The following TIAM1 variants were observed in gnomAD, a reference collection of about 807,000 sequenced individuals.
The protein encoded by TIAM1 is TIAM Rac1 associated GEF 1.
Under a neutral mutation model 163.5 loss-of-function variants are expected in TIAM1, and 65 were observed. The observed-to-expected ratio is 0.40, with a 90% CI of 0.33 to 0.49. TIAM1 has a LOEUF of 0.49. Ranked by LOEUF, TIAM1 falls within the 20% of genes least tolerant of loss-of-function variation. TIAM1 has a pLI of 0.77. For missense variants in TIAM1, 1,789 were observed against 2,044.7 expected (o/e 0.87, Z 2.41); for synonymous variants, 833 against 810.1 (o/e 1.03, Z -0.48).
chr21:31,413,010 C>G (rs1326864571), intron 2 of TIAM1, among the ~76,000 whole-genome samples: 1 of 151,966 alleles, frequency 6.6e-6, no homozygotes, highest in Non-Finnish European at 1.5e-5. Context: ...ATTGGGGACC[C>G]CTCCCCTAAA....
At chr21:31,466,175 T>C (rs185228723) in intron 1 of TIAM1, among the ~76,000 whole-genome samples, 44 of 152,264 alleles carry the variant, frequency 2.9e-4, no homozygotes, top group Admixed American at 4.6e-4. Context: ...GTCAAGGTCA[T>C]TGCAATAGGG....
chr21:31,301,851 GATAAATAGATAAATAA>G (rs2074515135), intron 2 of TIAM1, among the ~76,000 whole-genome samples: 1 of 95,648 alleles, frequency 1.0e-5, no homozygotes. Context: ...AAAATAAATA[GATAAATAGATAAATAA>G]ATAAATAAAA....
At chr21:31,334,792 G>A (rs1361641371) in intron 2 of TIAM1, among the ~76,000 whole-genome samples, 1 of 152,170 alleles carries the variant, frequency 6.6e-6, no homozygotes. Flanking sequence ...ACACACTTAT[G>A]TGCATCTGAC....
intron 2 of TIAM1, among the ~76,000 whole-genome samples, chr21:31,304,507 C>T (rs1306073815): frequency 1.3e-5 from 2 of 152,174 alleles, no homozygotes; most frequent in South Asian, 2.1e-4. Context: ...TTCAATTCCA[C>T]TCAGCCAAAC....
At chr21:31,466,969 G>A (rs1164365530) in intron 1 of TIAM1, among the ~76,000 whole-genome samples, 19 of 146,424 alleles carry the variant, frequency 1.3e-4, no homozygotes, top group African/African-American at 4.7e-4. Flanking sequence ...AAATAAAATA[G>A]GCCAAAAAAA....
At chr21:31,201,864 C>G (rs144630314) in intron 12 of TIAM1, among the ~76,000 whole-genome samples, 1 of 152,148 alleles carries the variant, frequency 6.6e-6, no homozygotes, top group Non-Finnish European at 1.5e-5. Flanking sequence ...CTGACAAACG[C>G]ACCACTTTGC....
chr21:31,394,300 G>A (rs1230857052), intron 2 of TIAM1, among the ~76,000 whole-genome samples: 1 of 152,198 alleles, frequency 6.6e-6, no homozygotes, highest in Non-Finnish European at 1.5e-5. Context: ...CCTGGAAAAG[G>A]TGAAGCTATA....
At chr21:31,508,336 G>A (rs1449016041) in intron 1 of TIAM1, among the ~76,000 whole-genome samples, 1 of 152,040 alleles carries the variant, frequency 6.6e-6, no homozygotes, top group Non-Finnish European at 1.5e-5. Context: ...TCCTTGGAGT[G>A]GGGAGGAGAG....
chr21:31,179,301 C>T lies in TIAM1; in HGVS notation c.2887+3120G>A, dbSNP rs557782980. On this transcript the variant is annotated intron_variant, in intron 15 of 27. Transcript: ENST00000541036. ...ACTCAAGAGGCTGAGGCAGGAGAAT[C>T]GCTTGGACCCAGGAGGCGGAGGTTG... 5.3e-5 allele frequency among the ~76,000 whole-genome samples: 8 copies of T among 151,706 alleles called. No individual in the cohort carries two copies. In the South Asian group the frequency reaches 1.7e-3, roughly 32 times the overall value.
chr21:31,196,646 T>C (rs1177728305), intron 12 of TIAM1, among the ~76,000 whole-genome samples: 1 of 152,066 alleles, frequency 6.6e-6, no homozygotes, highest in African/African-American at 2.4e-5. Flanking sequence ...TACACTGTTG[T>C]TGGGAATGTA....
At chr21:31,271,975 C>T (rs1857749512) in intron 3 of TIAM1, among the ~76,000 whole-genome samples, 1 of 151,802 alleles carries the variant, frequency 6.6e-6, no homozygotes, top group South Asian at 2.1e-4. Context: ...AAATTAAATG[C>T]AGATGCTCCT....
chr21:31,442,912 C>A (rs1016768729), intron 2 of TIAM1, among the ~76,000 whole-genome samples: 6 of 152,168 alleles, frequency 3.9e-5, no homozygotes, highest in South Asian at 2.1e-4. Context: ...AAATATGAGA[C>A]GGCCAGGACC....
At chr21:31,556,535 G>GGT (rs560073824) in intron 1 of TIAM1, among the ~76,000 whole-genome samples, 1 of 148,884 alleles carries the variant, frequency 6.7e-6, no homozygotes, top group East Asian at 1.9e-4. Flanking sequence ...AAAACAGGAA[G>GGT]TTTTTTTTTT....
intron 1 of TIAM1, among the ~76,000 whole-genome samples, chr21:31,473,837 G>A (rs1602368196): frequency 2.0e-5 from 3 of 152,068 alleles, no homozygotes; most frequent in Non-Finnish European, 4.4e-5. Flanking sequence ...AGCTGGTGCC[G>A]CCCTGCACTG....
chr21:31,246,770 A>C (rs957059217), intron 5 of TIAM1, among the ~76,000 whole-genome samples: 1 of 151,978 alleles, frequency 6.6e-6, no homozygotes, highest in Non-Finnish European at 1.5e-5. Flanking sequence ...TAGCTGTTGA[A>C]CTCTACGTCC....
intron 1 of TIAM1, among the ~76,000 whole-genome samples, chr21:31,477,001 A>G (rs900615529): frequency 2.0e-5 from 3 of 152,224 alleles, no homozygotes; most frequent in African/African-American, 7.2e-5. Flanking sequence ...ACCATTAGAG[A>G]CAGGTTCAAA....
At chr21:31,132,238 T>C (rs1360800065) in intron 23 of TIAM1, among the ~76,000 whole-genome samples, 1 of 152,200 alleles carries the variant, frequency 6.6e-6, no homozygotes, top group Non-Finnish European at 1.5e-5. Context: ...AGGTCGGTCT[T>C]GTCTCCTCTT....
Position 31,236,220 on chromosome 21 carries a change from G to C in TIAM1, c.1584+9268C>G, listed in dbSNP as rs1462374873. Reference sequence around the variant, plus strand: ...TTGCTTGAGATTGGGCCACCAGAATGGTGCTGACAGTTGATCCGGAGTGAG... The same window carrying C: ...TTGCTTGAGATTGGGCCACCAGAATCGTGCTGACAGTTGATCCGGAGTGAG... On this transcript the variant is annotated intron_variant, in intron 6 of 27. Coordinates refer to ENST00000541036, the MANE Select transcript of TIAM1 (RefSeq NM_001353694.2). Among the ~76,000 whole-genome samples, 4 of 152,312 alleles carry C rather than the reference G, an allele frequency of 2.6e-5. No individual in the cohort carries two copies. In the East Asian group the frequency reaches 5.8e-4, roughly 22 times the overall value.
Position 31,376,801 on chromosome 21 carries a change from G to C in TIAM1, c.-368-37379C>G, listed in dbSNP as rs533910130. On this transcript the variant is annotated intron_variant, in intron 2 of 28. Transcript: ENST00000286827. ...TGGTAAGTGATGGAGCTCCAATCTA[G>C]AAAGCACAAAATTTTAGGCAACTCC... 3.9e-5 allele frequency among the ~76,000 whole-genome samples: 6 copies of C among 152,066 alleles called. No individual in the cohort carries two copies. The South Asian group carries it at 1.2e-3, about 32-fold the overall frequency.
Sources: gnomAD v4.1 joint callset for allele counts (sites outside exome capture counted in the v4.1 genomes callset) on GRCh38, gnomAD v4.1.1 for gene constraint, MANE v1.5 for transcripts, NCBI Gene and HGNC (gene_info 2026-07-23, HGNC 2026-07-21) for gene names.